BAG4: variants seen among roughly 807,000 people sequenced by gnomAD.
BAG4 encodes BAG cochaperone 4.
A neutral mutation model predicts 52.1 loss-of-function variants in BAG4; 28 were observed. The ratio of observed to expected loss-of-function variants is 0.54; its 90% CI spans 0.40 to 0.74. The LOEUF (loss-of-function observed/expected upper bound fraction) is 0.74, where lower values mean the gene tolerates loss of function less well. Ranked by LOEUF, BAG4 falls within the 30% of genes least tolerant of loss-of-function variation. BAG4 has a pLI of 0.00. For missense variants in BAG4, 525 were observed against 572.0 expected (o/e 0.92, Z 0.84); for synonymous variants, 208 against 217.0 (o/e 0.96, Z 0.37).
intron 2 of BAG4, among the ~76,000 whole-genome samples, chr8:38,205,205 T>A (rs1409402213): frequency 1.6e-5 from 2 of 127,332 alleles, no homozygotes; most frequent in East Asian, 4.5e-4. Flanking sequence ...CTAATTAATT[T>A]TTTTTTTTTT....
intron 1 of BAG4, among the ~76,000 whole-genome samples, chr8:38,177,620 C>T (rs1007921948): frequency 6.6e-6 from 1 of 152,200 alleles, no homozygotes; most frequent in Admixed American, 6.5e-5. Context: ...TAATGCCTTG[C>T]CTGAGATCGA....
chr8:38,179,171 T>C (rs991869104), intron 1 of BAG4, among the ~76,000 whole-genome samples: 3 of 151,580 alleles, frequency 2.0e-5, no homozygotes, highest in East Asian at 3.9e-4. Context: ...TTTTATTTTT[T>C]ATTTTTGGGA....
intron 2 of BAG4, among the ~76,000 whole-genome samples, chr8:38,200,825 G>A (rs940225127): frequency 2.0e-5 from 3 of 151,556 alleles, no homozygotes; most frequent in East Asian, 2.0e-4. Flanking sequence ...CTCGAACTCC[G>A]GACCTCAGGT....
At chr8:38,208,910 A>T in intron 3 of BAG4, 103 bp from the exon 4 acceptor site, 1 of 1,327,410 alleles carries the variant, frequency 7.5e-7, no homozygotes, top group Non-Finnish European at 1.0e-6. Flanking sequence ...GCTAATGTAT[A>T]CTCTGTTAAG....
chr8:38,190,509 A>T (rs1803456650), intron 1 of BAG4, among the ~76,000 whole-genome samples: 1 of 149,188 alleles, frequency 6.7e-6, no homozygotes, highest in South Asian at 2.1e-4. Context: ...GCTCACCATA[A>T]CCTTGAATTT....
chr8:38,188,677 GTATACATATATACATGTATACATA>G (rs1803415320), intron 1 of BAG4, among the ~76,000 whole-genome samples: 6 of 141,760 alleles, frequency 4.2e-5, no homozygotes, highest in African/African-American at 1.0e-4. Context: ...ACATATACAT[GTATACATATATACATGTATACATA>G]TATATGTATA....
chr8:38,185,861 C>T (rs1803358384), intron 1 of BAG4, among the ~76,000 whole-genome samples: 1 of 152,180 alleles, frequency 6.6e-6, no homozygotes, highest in South Asian at 2.1e-4. Context: ...CCGCGCCTGG[C>T]CATGAAGAAA....
chr8:38,179,473 TAAAG>T (rs1337116912), intron 1 of BAG4, among the ~76,000 whole-genome samples: 2 of 151,398 alleles, frequency 1.3e-5, no homozygotes, highest in African/African-American at 4.9e-5. Flanking sequence ...AATTATAAAT[TAAAG>T]AAAGATCCAG....
In BAG4 at chr8:38,210,236, G is replaced by A; in HGVS notation, c.1117G>A (p.Asp373Asn). 3 of 1,614,126 alleles carry A rather than the reference G, an allele frequency of 1.9e-6. No individual in the cohort carries two copies. Among genetic ancestry groups the A allele is most frequent in the Non-Finnish European group, 2.5e-6 (3 of 1,180,034 alleles). Residue 373 changes from aspartate to asparagine, a missense_variant, in exon 5 of 5, where the codon GAT (aspartate) becomes AAT (asparagine). This residue lies in a region of BAG4 where 238 missense variants were observed against 305.8 expected (regional missense o/e 0.78). Transcript: ENST00000287322. ...TCTTCCTGAAGAATGTGTACCTTCA[G>A]ATGAAAGTACTCCTCCGAGTATTAA... ...SSLPEECVPS[D>N]ESTPPSIKKI...
At chr8:38,201,942 CA>C (rs1259841261) in intron 2 of BAG4, 3 of 122,054 alleles carry the variant, frequency 2.5e-5, no homozygotes, top group African/African-American at 6.4e-5. Context: ...GGTGTCTGAC[CA>C]ATCTTCCAAG....
chr8:38,212,848 T>C lies in BAG4; in HGVS notation c.*2355T>C, dbSNP rs1046693102. The C allele has an allele frequency of 2.0e-5, 3 of 152,216 alleles. No individual in the cohort carries two copies. The highest frequency in any genetic ancestry group is 4.4e-5 in the Non-Finnish European group (3 of 68,034). 9.4% of individuals were successfully genotyped at this position (152,216 alleles called of 1,614,324 possible). On this transcript the variant is annotated 3_prime_UTR_variant, in exon 5 of 5. Coordinates refer to ENST00000287322, the MANE Select transcript of BAG4 (RefSeq NM_004874.4). ...AAACTTTTGCTCATTTTACTATCCA[T>C]TGGCAGATCTTGCTTGTGGCAGTTA...
rs1803885162 is a variant in BAG4 at position 38,212,754 on chromosome 8, G to A, written c.*2261G>A. ...GGATTCGCTACTGTAAACTTACTGT[G>A]TTTTCCTTGTAATTATTGAATATTT... On this transcript the variant is annotated 3_prime_UTR_variant, in exon 5 of 5. Transcript: ENST00000287322. 1 of 152,146 alleles carries A rather than the reference G, an allele frequency of 6.6e-6. No homozygotes were observed. The highest frequency in any genetic ancestry group is 1.5e-5 in the Non-Finnish European group (1 of 68,022). The allele number at this position is 152,146 out of a possible 1,614,324, so 9.4% of individuals were successfully genotyped here.
At chr8:38,209,371 CA>C (rs1563286264) in intron 4 of BAG4, 104 bp downstream of exon 4, 1 of 1,488,588 alleles carries the variant, frequency 6.7e-7, no homozygotes, top group Non-Finnish European at 9.0e-7. Flanking sequence ...GGACTAATTA[CA>C]AAAAGTTGGT....
chr8:38,178,621 C>T (rs894984919), intron 1 of BAG4, among the ~76,000 whole-genome samples: 12 of 152,278 alleles, frequency 7.9e-5, no homozygotes, highest in African/African-American at 2.9e-4. Context: ...ATTATTTGGC[C>T]TTAGAAAGGA....
At chr8:38,177,719 C>T (rs573925073) in intron 1 of BAG4, among the ~76,000 whole-genome samples, 1 of 152,264 alleles carries the variant, frequency 6.6e-6, no homozygotes, top group South Asian at 2.1e-4. Context: ...GGCATTACAG[C>T]GGCCCTTTTT....
intron 1 of BAG4, among the ~76,000 whole-genome samples, chr8:38,184,270 C>T (rs1196224274): frequency 1.3e-5 from 2 of 151,724 alleles, no homozygotes; most frequent in Non-Finnish European, 2.9e-5. Flanking sequence ...AGTTCAAGAC[C>T]AGCCTGGGCA....
rs1803672095 is a variant in BAG4, at chr8:38,201,857, TATATATATATATATATATA to T, written c.379-5654_379-5636del. ...ATTTATATATATATATATATATATA[TATATATATATATATATATA>T]TATATTTTTTTTTTTTTTTTTTTTT... is the stretch of plus-strand genomic sequence containing the variant. On this transcript the variant is annotated intron_variant, in intron 2 of 4. Coordinates refer to ENST00000287322, the MANE Select transcript of BAG4 (RefSeq NM_004874.4). 4.5e-4 allele frequency: 5 copies of T among 11,210 alleles called. 1 individual carries two copies. Among genetic ancestry groups the T allele is most frequent in the African/African-American group, 1.1e-3 (4 of 3,564 alleles). 0.7% of individuals were successfully genotyped at this position (11,210 alleles called of 1,614,324 possible).
At chr8:38,199,945 A>AGTT (rs1803632299) in intron 2 of BAG4, among the ~76,000 whole-genome samples, 1 of 151,666 alleles carries the variant, frequency 6.6e-6, no homozygotes, top group Non-Finnish European at 1.5e-5. Context: ...ACATGTGGAT[A>AGTT]GTTATGTCTC....
chr8:38,210,564 CTT>C lies in BAG4; in HGVS notation c.*75_*76del. The C allele has an allele frequency of 6.7e-7, 1 of 1,487,472 alleles. No individual in the cohort carries two copies. The highest frequency in any genetic ancestry group is 1.4e-5 in the South Asian group (1 of 70,026). 92.1% of individuals were successfully genotyped at this position (1,487,472 alleles called of 1,614,324 possible). A position where few individuals can be genotyped will look rare whatever the true frequency, so the allele number is the denominator to read the frequency against. ...AACACTTGATTTGGTTAATTACCCT[CTT>C]TTTGAAATGCCTGTTGATGACAAGA... On this transcript the variant is annotated 3_prime_UTR_variant, in exon 5 of 5. Transcript: ENST00000287322.
Sources: allele counts gnomAD v4.1 joint callset (sites outside exome capture counted in the v4.1 genomes callset), GRCh38; gene constraint gnomAD v4.1.1; regional missense constraint gnomAD v4.1.1; transcripts MANE v1.5; gene names NCBI Gene and HGNC (gene_info 2026-07-23, HGNC 2026-07-21).